Variants in INO80D observed in about 807,000 individuals in gnomAD.
The protein encoded by INO80D is INO80 complex subunit D.
INO80D carries 21 observed loss-of-function variants against 87.6 expected under a neutral mutation model. That is an observed-to-expected ratio of 0.24 (90% confidence interval 0.17 to 0.35). INO80D has a LOEUF of 0.35. Ranked by LOEUF, INO80D falls within the 10% of genes least tolerant of loss-of-function variation. The probability of loss-of-function intolerance (pLI) is 1.00; values close to 1 mark genes in which losing one functional copy is unlikely to be tolerated. For missense variants in INO80D, 982 were observed against 1,280.7 expected, an observed-to-expected ratio of 0.77 and a Z score of 3.56; for synonymous variants, 440 against 491.0, an observed-to-expected ratio of 0.90 and a Z score of 1.37.
At chr2:206,068,017 C>T (rs78653620) in intron 1 of INO80D, among the ~76,000 whole-genome samples, 364 of 152,224 alleles carry the variant, frequency 2.4e-3, no homozygotes, top group African/African-American at 8.3e-3. Flanking sequence ...TGAACTATTG[C>T]TTTTTTGGTT....
At position 206,007,372 on chromosome 2, in the gene INO80D, A is replaced by C. The variant is rs758812132; in HGVS notation, c.1830T>G (p.Ile610Met). The part of the protein sequence containing the change: ...PDDIANEITD[I>M]PHDLELNQED... ...CCTGGTTCAATTCCAAGTCATGTGG[A>C]ATGTCAGTGATCTCATTGGCAATGT... is the stretch of plus-strand genomic sequence containing the variant. The change falls in exon 10 of 11, where the codon ATT (isoleucine) becomes ATG (methionine). Residue 610 changes from isoleucine to methionine, a missense_variant. Transcript: ENST00000403263. 2 of 1,613,854 alleles carry C rather than the reference A, an allele frequency of 1.2e-6. No homozygotes were observed. Among genetic ancestry groups the C allele is most frequent in the Admixed American group, 1.7e-5 (1 of 59,992 alleles).
chr2:206,037,498 T>C (rs1337823776), intron 5 of INO80D, among the ~76,000 whole-genome samples: 2 of 152,154 alleles, frequency 1.3e-5, no homozygotes, highest in Admixed American at 1.3e-4. Flanking sequence ...ATGAGAAATA[T>C]CCAACGAGCA....
Position 205,999,708 on chromosome 2 carries a change from A to G in INO80D, c.*4660T>C, listed in dbSNP as rs1687871645. 1 of 152,208 alleles carries G rather than the reference A, an allele frequency of 6.6e-6. No individual in the cohort carries two copies. Among genetic ancestry groups the G allele is most frequent in the East Asian group, 1.9e-4 (1 of 5,208 alleles). The allele number at this position is 152,208 out of a possible 1,614,324, so 9.4% of individuals were successfully genotyped here. ...TGTTTTATGTTTTCTTTCCTAATTC[A>G]TTAGTCAGGGAAAAATGCTTAACAG... is the stretch of plus-strand genomic sequence containing the variant. On this transcript the variant is annotated 3_prime_UTR_variant, in exon 11 of 11. Coordinates refer to ENST00000403263, the MANE Select transcript of INO80D (RefSeq NM_017759.5).
intron 1 of INO80D, among the ~76,000 whole-genome samples, chr2:206,084,238 C>T (rs1559470330): frequency 2.1e-5 from 2 of 94,412 alleles, no homozygotes; most frequent in African/African-American, 8.4e-5. Context: ...AAATGTTATA[C>T]ATACACACAC....
intron 5 of INO80D, among the ~76,000 whole-genome samples, chr2:206,036,705 A>T (rs537229228): frequency 6.6e-6 from 1 of 152,250 alleles, no homozygotes; most frequent in South Asian, 2.1e-4. Context: ...CCAATAACCT[A>T]TGGAAAACTG....
chr2:206,058,447 T>C (rs1226608222), intron 3 of INO80D, among the ~76,000 whole-genome samples: 1 of 137,968 alleles, frequency 7.2e-6, no homozygotes, highest in Non-Finnish European at 1.5e-5. Context: ...AAAAAACCTA[T>C]AAAAGGGCCG....
Position 205,997,764 on chromosome 2 carries a change from CATA to C in INO80D, c.*6601_*6603del, listed in dbSNP as rs1687834543. The stretch of plus-strand genomic sequence containing the variant: ...CATGATATCAGAGCTAGCCTTTTAA[CATA>C]AGATAACATAATGATTAATTTGGTG... On this transcript the variant is annotated 3_prime_UTR_variant, in exon 11 of 11. Transcript: ENST00000403263. 6.6e-6 allele frequency: 1 copy of C among 152,130 alleles called. No individual in the cohort carries two copies. The highest frequency in any genetic ancestry group is 1.5e-5 in the Non-Finnish European group (1 of 67,988). The allele number at this position is 152,130 out of a possible 1,614,324, so 9.4% of individuals were successfully genotyped here. A position where few individuals can be genotyped will look rare whatever the true frequency, so the allele number is the denominator to read the frequency against.
At position 206,001,735 on chromosome 2, in the gene INO80D, T is replaced by C. The variant is rs1687910551; in HGVS notation, c.*2633A>G. On this transcript the variant is annotated 3_prime_UTR_variant, in exon 11 of 11. Coordinates refer to ENST00000403263, the MANE Select transcript of INO80D (RefSeq NM_017759.5). ...GCAAGAGCAAAGCAAATTGCAAACT[T>C]TGATATCTGTTTTGAACTAGATAAA... is the stretch of plus-strand genomic sequence containing the variant. 1.3e-5 allele frequency: 2 copies of C among 152,176 alleles called. No individual in the cohort carries two copies. The highest frequency in any genetic ancestry group is 4.1e-4 in the South Asian group (2 of 4,828). The allele number at this position is 152,176 out of a possible 1,614,324, so 9.4% of individuals were successfully genotyped here. A position where few individuals can be genotyped will look rare whatever the true frequency, so the allele number is the denominator to read the frequency against.
chr2:206,020,625 T>C (rs1032428609), intron 6 of INO80D, among the ~76,000 whole-genome samples: 14 of 152,286 alleles, frequency 9.2e-5, no homozygotes, highest in African/African-American at 3.1e-4. Flanking sequence ...TATCTCCACT[T>C]TGTACACTTA....
At chr2:206,078,935 T>C (rs923964741) in intron 1 of INO80D, among the ~76,000 whole-genome samples, 1 of 152,106 alleles carries the variant, frequency 6.6e-6, no homozygotes, top group Non-Finnish European at 1.5e-5. Flanking sequence ...AGTGAGACTT[T>C]GTCTCAAAAA....
chr2:206,072,569 C>T (rs568980473), intron 1 of INO80D, among the ~76,000 whole-genome samples: 4 of 152,108 alleles, frequency 2.6e-5, no homozygotes, highest in Admixed American at 6.6e-5. Flanking sequence ...TGAGCCACCG[C>T]GCCTGCCGTA....
In INO80D at chr2:206,004,352, A is replaced by G. The variant is rs747695217; in HGVS notation, c.*16T>C. Reference sequence around the variant, plus strand: ...AACACTGGGTTCCCCACCTGCCTGCAAACACACAGACACCCTCAGTTAGGG... The same window carrying G: ...AACACTGGGTTCCCCACCTGCCTGCGAACACACAGACACCCTCAGTTAGGG... On this transcript the variant is annotated 3_prime_UTR_variant, in exon 11 of 11. Coordinates refer to ENST00000403263, the MANE Select transcript of INO80D (RefSeq NM_017759.5). This position sits in a 1 kb window ranked among gnomAD's most constrained non-coding sequence, Gnocchi z 4.9. 6.4e-7 allele frequency: 1 copy of G among 1,573,588 alleles called. No homozygotes were observed. The highest frequency in any genetic ancestry group is 1.9e-5 in the Admixed American group (1 of 53,606).
intron 6 of INO80D, among the ~76,000 whole-genome samples, chr2:206,021,894 A>T (rs1688475001): frequency 6.6e-6 from 1 of 151,942 alleles, no homozygotes; most frequent in South Asian, 2.1e-4. Flanking sequence ...GATTACTGGC[A>T]TGAGTCACCA....
chr2:206,054,028 C>T (rs1376474632), intron 4 of INO80D, among the ~76,000 whole-genome samples: 1 of 151,952 alleles, frequency 6.6e-6, no homozygotes, highest in Non-Finnish European at 1.5e-5. Context: ...TTAGTAGAGA[C>T]AGGGTTTTGC....
chr2:206,047,936 C>T (rs1028016263), intron 4 of INO80D, among the ~76,000 whole-genome samples: 25 of 149,454 alleles, frequency 1.7e-4, no homozygotes, highest in Admixed American at 8.9e-4. Context: ...TTGCAAGCTC[C>T]GCCTCCTGGG....
At chr2:206,058,079 G>T (rs935447761) in intron 3 of INO80D, among the ~76,000 whole-genome samples, 1 of 152,098 alleles carries the variant, frequency 6.6e-6, no homozygotes, top group Admixed American at 6.5e-5. Flanking sequence ...TGTGGGCATT[G>T]AAAAGTTAGG....
intron 5 of INO80D, among the ~76,000 whole-genome samples, chr2:206,031,961 C>G (rs1206319116): frequency 6.6e-6 from 1 of 152,150 alleles, no homozygotes; most frequent in East Asian, 1.9e-4. Context: ...AGTTTCCGAC[C>G]TTACCTGGAG....
chr2:206,005,054 C>G lies in INO80D; in HGVS notation c.2398G>C (p.Ala800Pro). 6.2e-7 allele frequency: 1 copy of G among 1,613,924 alleles called. No homozygotes were observed. The highest frequency in any genetic ancestry group is 8.5e-7 in the Non-Finnish European group (1 of 1,179,880). Residue 800 changes from alanine to proline, a missense_variant, in exon 11 of 11, where the codon GCC (alanine) becomes CCC (proline). Ala to Pro is a conservative substitution (Grantham distance 27). Coordinates refer to ENST00000403263, the MANE Select transcript of INO80D (RefSeq NM_017759.5). The stretch of plus-strand genomic sequence containing the variant: ...TCATCTGCCTTGCTCAGCAGCTGGG[C>G]AGGATGTGGCCTCTGGGAGGCATGG... Reference protein sequence around the residue: ...GSHASQRPHPAQLLSKADDLI... With the variant: ...GSHASQRPHPPQLLSKADDLI...
At chr2:206,030,386 C>T (rs1021581767) in intron 5 of INO80D, among the ~76,000 whole-genome samples, 2 of 151,888 alleles carry the variant, frequency 1.3e-5, no homozygotes, top group African/African-American at 4.8e-5. Flanking sequence ...TCATTTGAAC[C>T]TGGGAGGTGG....
Sources: allele counts gnomAD v4.1 joint callset (sites outside exome capture counted in the v4.1 genomes callset), GRCh38; gene constraint gnomAD v4.1.1; non-coding constraint Gnocchi (gnomAD v3.1); transcripts MANE v1.5; gene names NCBI Gene and HGNC (gene_info 2026-07-23, HGNC 2026-07-21).